The following CLMN variants were observed in gnomAD, a reference collection of about 807,000 sequenced individuals.
CLMN encodes calmin, also known as calmin (calponin-like, transmembrane).
Under a neutral mutation model 92.7 loss-of-function variants are expected in CLMN, and 57 were observed. That is an observed-to-expected ratio of 0.61 (90% CI 0.50 to 0.77). The LOEUF (loss-of-function observed/expected upper bound fraction) is 0.77. Ranked by LOEUF, CLMN falls within the 30% of genes least tolerant of loss-of-function variation. The pLI is 0.00. For synonymous variants in CLMN, 466 were observed against 470.6 expected, an observed-to-expected ratio of 0.99 and a Z score of 0.13; for missense variants, 1,158 against 1,237.5, an observed-to-expected ratio of 0.94 and a Z score of 0.96.
At chr14:95,318,030 T>A (rs1396532913) in intron 1 of CLMN, among the ~76,000 whole-genome samples, 1 of 152,070 alleles carries the variant, frequency 6.6e-6, no homozygotes, top group Non-Finnish European at 1.5e-5. Flanking sequence ...TAAAGCCTTC[T>A]CCCACCGTTC....
chr14:95,194,270 G>T lies in CLMN; in HGVS notation c.2769+266C>A. ...CGTGATCCTTCTGGGTGCGCGCGGG[G>T]TCCAGGTGAGGCGTTTTGGGTGCGT... On this transcript the variant is annotated intron_variant, in intron 11 of 12. Transcript: ENST00000298912. The surrounding 1 kb of genome is among the most constrained non-coding windows in gnomAD (Gnocchi z 4.0). The T allele has an allele frequency of 7.1e-7, 1 of 1,404,088 alleles. No homozygotes were observed. Among genetic ancestry groups the T allele is most frequent in the South Asian group, 1.6e-5 (1 of 63,322 alleles). 87.0% of individuals were successfully genotyped at this position (1,404,088 alleles called of 1,614,324 possible). A position where few individuals can be genotyped will look rare whatever the true frequency, so the allele number is the denominator to read the frequency against.
At chr14:95,215,778 G>A in intron 4 of CLMN, 45 bp from the exon 5 acceptor site, 2 of 1,393,528 alleles carry the variant, frequency 1.4e-6, no homozygotes, top group Non-Finnish European at 2.0e-6. Context: ...TGTCCAGGGA[G>A]GATAACATAT....
chr14:95,250,911 G>T (rs191632001), intron 1 of CLMN, among the ~76,000 whole-genome samples: 80 of 152,316 alleles, frequency 5.3e-4, no homozygotes, highest in South Asian at 8.3e-4. Context: ...GGAGCTGGGA[G>T]GGGAGGAGAA....
At chr14:95,239,480 C>G (rs1445415180) in intron 1 of CLMN, among the ~76,000 whole-genome samples, 1 of 152,206 alleles carries the variant, frequency 6.6e-6, no homozygotes, top group Non-Finnish European at 1.5e-5. Context: ...GGACTAAACT[C>G]TCTGTTGAGA....
chr14:95,235,853 A>T (rs1169942020), intron 1 of CLMN, among the ~76,000 whole-genome samples: 1 of 152,024 alleles, frequency 6.6e-6, no homozygotes, highest in Admixed American at 6.5e-5. Context: ...CTTCATCTCT[A>T]CACGCGCTCG....
chr14:95,230,279 T>C (rs1315657799), intron 1 of CLMN, 146 bp from the exon 2 acceptor site: 4 of 723,324 alleles, frequency 5.5e-6, no homozygotes, highest in Non-Finnish European at 9.6e-6. Flanking sequence ...CTGGAAGGGG[T>C]TGGCAACGCC....
intron 1 of CLMN, among the ~76,000 whole-genome samples, chr14:95,249,933 T>C (rs918417311): frequency 1.2e-4 from 19 of 152,290 alleles, no homozygotes; most frequent in African/African-American, 4.1e-4. Context: ...GTAACAAAGT[T>C]TGGCCAAGGA....
chr14:95,312,262 C>T (rs1360341022), intron 1 of CLMN, among the ~76,000 whole-genome samples: 1 of 152,174 alleles, frequency 6.6e-6, no homozygotes, highest in Admixed American at 6.5e-5. Context: ...CCCATTCACC[C>T]ACCCCTCCAT....
At position 95,215,801 on chromosome 14, in the gene CLMN, T is replaced by TTC. The variant is rs756652518; in HGVS notation, c.325-70_325-69dup. 4.0e-4 allele frequency: 406 copies of TTC among 1,017,566 alleles called. 1 individual carries two copies. Among genetic ancestry groups the TTC allele is most frequent in the South Asian group, 2.4e-3 (179 of 74,046 alleles). The allele number at this position is 1,017,566 out of a possible 1,614,324, so 63.0% of individuals were successfully genotyped here. On this transcript the variant is annotated intron_variant, in intron 4 of 12. Coordinates refer to ENST00000298912, the MANE Select transcript of CLMN (RefSeq NM_024734.4). ...GAGGATAACATATGTTATTTTCTGG[T>TTC]TCTCTCTCTCTCTCTGTGTGTGTGT...
At chr14:95,274,555 T>C (rs1273019213) in intron 1 of CLMN, among the ~76,000 whole-genome samples, 4 of 152,130 alleles carry the variant, frequency 2.6e-5, no homozygotes, top group African/African-American at 9.7e-5. Flanking sequence ...GGTCGCTGGA[T>C]AGAAGGGAAG....
chr14:95,302,855 ACCT>A (rs1196635480), intron 1 of CLMN, among the ~76,000 whole-genome samples: 1 of 151,674 alleles, frequency 6.6e-6, no homozygotes, highest in Non-Finnish European at 1.5e-5. Context: ...GGCTTCAAAC[ACCT>A]CCTCTTTTCA....
At chr14:95,214,739 A>ATT (rs112360886) in intron 5 of CLMN, among the ~76,000 whole-genome samples, 14 of 147,192 alleles carry the variant, frequency 9.5e-5, no homozygotes, top group East Asian at 4.0e-4. Context: ...GAGAGACAGT[A>ATT]TTTTTTTTTT....
intron 1 of CLMN, among the ~76,000 whole-genome samples, chr14:95,305,026 G>A (rs1188543952): frequency 6.6e-6 from 1 of 152,162 alleles, no homozygotes; most frequent in East Asian, 1.9e-4. Context: ...AGCAACCAAG[G>A]ACTATAAGGC....
chr14:95,212,841 A>C (rs1011268206), intron 6 of CLMN, among the ~76,000 whole-genome samples: 6 of 146,958 alleles, frequency 4.1e-5, no homozygotes, highest in East Asian at 2.0e-4. Flanking sequence ...GCTGGAATGC[A>C]GTGGAGTGAA....
chr14:95,274,223 C>T (rs1899832399), intron 1 of CLMN, among the ~76,000 whole-genome samples: 2 of 152,108 alleles, frequency 1.3e-5, no homozygotes, highest in African/African-American at 4.8e-5. Flanking sequence ...GCTCTCTGCG[C>T]ACCCAGATTC....
At position 95,218,057 on chromosome 14, in the gene CLMN, C is replaced by T. The variant is rs573678769; in HGVS notation, c.325-2324G>A. Among the ~76,000 whole-genome samples the T allele has an allele frequency of 8.5e-5, 13 of 152,332 alleles. No individual in the cohort carries two copies. In the South Asian group the frequency reaches 2.7e-3, roughly 32 times the overall value. On this transcript the variant is annotated intron_variant, in intron 4 of 12. Coordinates refer to ENST00000298912, the MANE Select transcript of CLMN (RefSeq NM_024734.4). The stretch of plus-strand genomic sequence containing the variant: ...ACAGCCAGACTTCAGTTCAGAGCTT[C>T]AGGGACAATGCTTTCCTCCTCTTGT...
chr14:95,301,960 G>A (rs558645032), intron 1 of CLMN, among the ~76,000 whole-genome samples: 3 of 152,280 alleles, frequency 2.0e-5, no homozygotes, highest in South Asian at 4.1e-4. Flanking sequence ...CTAAGTGACC[G>A]ATTCATTCAC....
chr14:95,214,636 G>T (rs1408179936), intron 5 of CLMN, among the ~76,000 whole-genome samples: 1 of 152,084 alleles, frequency 6.6e-6, no homozygotes, highest in Admixed American at 6.5e-5. Context: ...ATATGCGTGA[G>T]CCACTGTGCC....
chr14:95,288,430 C>T (rs561528029), intron 1 of CLMN, among the ~76,000 whole-genome samples: 12 of 152,274 alleles, frequency 7.9e-5, no homozygotes, highest in Admixed American at 4.6e-4. Context: ...GAGGGAATAG[C>T]AGATGCAAAG....
Sources: gnomAD v4.1 joint callset for allele counts (sites outside exome capture counted in the v4.1 genomes callset) on GRCh38, gnomAD v4.1.1 for gene constraint, Gnocchi (gnomAD v3.1) non-coding constraint, MANE v1.5 for transcripts, NCBI Gene and HGNC (gene_info 2026-07-23, HGNC 2026-07-21) for gene names.